The following ELOA variants were observed in gnomAD, a reference collection of about 807,000 sequenced individuals.
ELOA encodes elongin-A.
Under a neutral mutation model 85.2 loss-of-function variants are expected in ELOA, and 15 were observed. The ratio of observed to expected loss-of-function variants is 0.18; its 90% CI spans 0.12 to 0.27. The LOEUF is 0.27. Ranked by LOEUF, ELOA falls within the 10% of genes least tolerant of loss-of-function variation. The probability of loss-of-function intolerance (pLI) is 1.00; values close to 1 mark genes in which losing one functional copy is unlikely to be tolerated. For synonymous variants in ELOA, 348 were observed against 357.2 expected, an observed-to-expected ratio of 0.97 and a Z score of 0.29; for missense variants, 769 against 952.7, an observed-to-expected ratio of 0.81 and a Z score of 2.54.
intron 10 of ELOA, 99 bp downstream of exon 10, chr1:23,757,224 G>GC: frequency 7.6e-7 from 1 of 1,316,996 alleles, no homozygotes; most frequent in Non-Finnish European, 1.0e-6. Context: ...ACTGCATGTT[G>GC]CATGTACATG....
chr1:23,751,654 C>T lies in ELOA; in HGVS notation c.1049C>T (p.Thr350Ile), dbSNP rs1308774412. The T allele has an allele frequency of 1.5e-5, 25 of 1,614,018 alleles. No individual in the cohort carries two copies. The highest frequency in any genetic ancestry group is 2.0e-5 in the Non-Finnish European group (24 of 1,180,028). ...KSKQGLDSFDTGKGAGDLLPK... is the reference protein window; with the variant it reads ...KSKQGLDSFDIGKGAGDLLPK... ...AAGCAAGGTCTGGACAGCTTTGACA[C>T]AGGAAAAGGAGCAGGAGACCTGTTG... Residue 350 changes from threonine to isoleucine, a missense_variant, in exon 4 of 11, where the codon ACA becomes ATA. Thr to Ile is a moderately conservative substitution (Grantham distance 89). Coordinates refer to ENST00000613537, the MANE Select transcript of ELOA (RefSeq NM_003198.3).
chr1:23,761,312 A>G lies in ELOA; in HGVS notation c.*1739A>G, dbSNP rs1417365983. 6.6e-6 allele frequency: 1 copy of G among 152,142 alleles called. No individual in the cohort carries two copies. The highest frequency in any genetic ancestry group is 1.9e-4 in the East Asian group (1 of 5,186). The allele number at this position is 152,142 out of a possible 1,614,324, so 9.4% of individuals were successfully genotyped here. ...TTAGGAAGCCTCTTAACTGAAACCA[A>G]ATGAACATTTGGGTCAGGTGCCAGA... On this transcript the variant is annotated 3_prime_UTR_variant, in exon 11 of 11. Transcript: ENST00000613537.
rs1186499584 is a variant in ELOA at position 23,751,372 on chromosome 1, A to T, written c.767A>T (p.Asp256Val). 6.2e-7 allele frequency: 1 copy of T among 1,614,218 alleles called. No individual in the cohort carries two copies. Among genetic ancestry groups the T allele is most frequent in the Admixed American group, 1.7e-5 (1 of 60,028 alleles). Residue 256 changes from aspartate to valine, a missense_variant, in exon 4 of 11, where the codon GAT (aspartate) becomes GTT (valine). Asp to Val is a radical substitution (Grantham distance 152, BLOSUM62 -3). Transcript: ENST00000613537. The part of the protein sequence containing the change: ...KSSHKDKRPV[D>V]AKSDEKASVV... ...TCCCACAAGGACAAACGCCCCGTGGATGCCAAGAGTGATGAGAAGGCCTCT... is the reference window on the plus strand; with the variant it reads ...TCCCACAAGGACAAACGCCCCGTGGTTGCCAAGAGTGATGAGAAGGCCTCT...
rs1638287835 is a variant in ELOA at position 23,761,109 on chromosome 1, C to G, written c.*1536C>G. 6.6e-6 allele frequency: 1 copy of G among 152,176 alleles called. No individual in the cohort carries two copies. Among genetic ancestry groups the G allele is most frequent in the Non-Finnish European group, 1.5e-5 (1 of 68,034 alleles). The allele number at this position is 152,176 out of a possible 1,614,324, so 9.4% of individuals were successfully genotyped here. Reference sequence around the variant, plus strand: ...AGAGCAACGTAGGAAGTCTATTCAGCAGAAACTCGACATTGTTCAGTGTGT... The same window carrying G: ...AGAGCAACGTAGGAAGTCTATTCAGGAGAAACTCGACATTGTTCAGTGTGT... On this transcript the variant is annotated 3_prime_UTR_variant, in exon 11 of 11. Coordinates refer to ENST00000613537, the MANE Select transcript of ELOA (RefSeq NM_003198.3).
At chr1:23,748,059 T>G (rs1644754233) in intron 1 of ELOA, among the ~76,000 whole-genome samples, 1 of 152,230 alleles carries the variant, frequency 6.6e-6, no homozygotes, top group Non-Finnish European at 1.5e-5. Flanking sequence ...TAACTTTTGT[T>G]AGAGCAAGTA....
chr1:23,757,281 G>A (rs911944627), intron 10 of ELOA, among the ~76,000 whole-genome samples, 156 bp downstream of exon 10: 2 of 152,110 alleles, frequency 1.3e-5, no homozygotes, highest in Non-Finnish European at 1.5e-5. Flanking sequence ...CCTTCCCCCT[G>A]CTTTGTCCAT....
chr1:23,757,976 G>A (rs1296862554), intron 10 of ELOA, among the ~76,000 whole-genome samples: 2 of 151,986 alleles, frequency 1.3e-5, no homozygotes, highest in African/African-American at 2.4e-5. Flanking sequence ...GGCAGGCAGA[G>A]GTTGCAGTGA....
Position 23,757,034 on chromosome 1 carries a change from G to C in ELOA, c.2166G>C (p.Pro722=). 1.2e-6 allele frequency: 2 copies of C among 1,610,712 alleles called. No individual in the cohort carries two copies. Among genetic ancestry groups the C allele is most frequent in the Non-Finnish European group, 1.7e-6 (2 of 1,179,050 alleles). Residue 722 remains proline (P), a synonymous_variant, in exon 10 of 11, where the codon CCG becomes CCC. Coordinates refer to ENST00000613537, the MANE Select transcript of ELOA (RefSeq NM_003198.3). Reference sequence around the variant, plus strand: ...GCTTTAACCCCAGCCCTGAGGAGCCGGCCTATGATGGCCCAAGCACCAGCA... The same window carrying C: ...GCTTTAACCCCAGCCCTGAGGAGCCCGCCTATGATGGCCCAAGCACCAGCA... The part of the protein sequence containing the change: ...SISFNPSPEE[P]AYDGPSTSSA...
rs1570588121 is a variant in ELOA at position 23,743,679 on chromosome 1, G to A, written c.75+101G>A. ...GGCGGGGTTCGGGGGCTGGGACCCT[G>A]AGCCAGGCCCCGCGGGGCTGGGGTC... On this transcript the variant is annotated intron_variant, in intron 1 of 10. Coordinates refer to ENST00000613537, the MANE Select transcript of ELOA (RefSeq NM_003198.3). 8 of 1,302,624 alleles carry A rather than the reference G, an allele frequency of 6.1e-6. No individual in the cohort carries two copies. The East Asian group carries it at 2.5e-4, about 41-fold the overall frequency. 80.7% of individuals were successfully genotyped at this position (1,302,624 alleles called of 1,614,324 possible). A position where few individuals can be genotyped will look rare whatever the true frequency, so the allele number is the denominator to read the frequency against.
chr1:23,754,616 A>G (rs1300206927), intron 7 of ELOA, among the ~76,000 whole-genome samples, 156 bp downstream of exon 7: 3 of 152,214 alleles, frequency 2.0e-5, no homozygotes, highest in Admixed American at 1.3e-4. Flanking sequence ...TTAAACAAGC[A>G]TGTTATTAGC....
At chr1:23,758,567 C>T (rs1179798092) in intron 10 of ELOA, among the ~76,000 whole-genome samples, 1 of 149,282 alleles carries the variant, frequency 6.7e-6, no homozygotes, top group African/African-American at 2.5e-5. Context: ...ACCACCATGC[C>T]TGGCCGGGTC....
At chr1:23,753,642 C>T (rs562338047) in intron 5 of ELOA, among the ~76,000 whole-genome samples, 2 of 152,178 alleles carry the variant, frequency 1.3e-5, no homozygotes, top group Admixed American at 1.3e-4. Context: ...GGAATGATCT[C>T]TCAGATGTGG....
chr1:23,748,597 C>T (rs982386596), intron 1 of ELOA, among the ~76,000 whole-genome samples: 2 of 152,174 alleles, frequency 1.3e-5, no homozygotes, highest in African/African-American at 4.8e-5. Context: ...CCTGTAGAGG[C>T]CTTTTCTTCC....
intron 10 of ELOA, 71 bp downstream of exon 10, chr1:23,757,196 C>T: frequency 8.2e-6 from 12 of 1,459,510 alleles, no homozygotes; most frequent in Non-Finnish European, 1.1e-5. Context: ...TCATTATTCA[C>T]TGTATTACAT....
At chr1:23,753,817 C>T (rs1027452960) in intron 5 of ELOA, among the ~76,000 whole-genome samples, 1 of 152,160 alleles carries the variant, frequency 6.6e-6, no homozygotes, top group Non-Finnish European at 1.5e-5. Context: ...CAGCCTCCAC[C>T]TCCTAGGTTC....
chr1:23,752,691 C>G (rs1168034507), intron 5 of ELOA, among the ~76,000 whole-genome samples, 173 bp downstream of exon 5: 1 of 152,010 alleles, frequency 6.6e-6, no homozygotes, highest in East Asian at 1.9e-4. Context: ...TCCTGTAATC[C>G]CAGCACTTTG....
At chr1:23,750,090 TAGAA>T in intron 3 of ELOA, 142 bp downstream of exon 3, 1 of 549,726 alleles carries the variant, frequency 1.8e-6, no homozygotes, top group Non-Finnish European at 3.0e-6. Context: ...TGTAGAATAT[TAGAA>T]AATATTAAAA....
At chr1:23,752,065 A>C (rs1203165437) in intron 4 of ELOA, 35 bp downstream of exon 4, 2 of 1,549,242 alleles carry the variant, frequency 1.3e-6, no homozygotes, top group East Asian at 2.2e-5. Flanking sequence ...CTTCCCACCC[A>C]GAGCACCTGG....
At chr1:23,750,176 T>TTTG (rs1466549579) in intron 3 of ELOA, among the ~76,000 whole-genome samples, 1 of 127,284 alleles carries the variant, frequency 7.9e-6, no homozygotes, top group African/African-American at 3.3e-5. Context: ...GTTTCTTTTT[T>TTTG]TTTTTTTTTT....
Sources: allele counts gnomAD v4.1 joint callset (sites outside exome capture counted in the v4.1 genomes callset), GRCh38; gene constraint gnomAD v4.1.1; transcripts MANE v1.5; gene names NCBI Gene and HGNC (gene_info 2026-07-23, HGNC 2026-07-21).